The following SPON1 variants were observed in gnomAD, a reference collection of about 807,000 sequenced individuals.
SPON1 encodes the protein spondin 1, also known as spondin-1.
In SPON1, 52 loss-of-function variants were observed where a neutral mutation model predicts 111.7. The ratio of observed to expected loss-of-function variants is 0.47; its 90% confidence interval spans 0.37 to 0.59. The LOEUF (loss-of-function observed/expected upper bound fraction) is 0.59. SPON1 is among the 20% of genes least tolerant of loss of function. The pLI, the probability that SPON1 is intolerant of heterozygous loss-of-function variation, is 0.00. For synonymous variants in SPON1, 410 were observed against 395.8 expected (o/e 1.04, Z -0.43); for missense variants, 957 against 1,068.5 (o/e 0.90, Z 1.46).
intron 6 of SPON1, among the ~76,000 whole-genome samples, chr11:14,235,960 A>T (rs184064875): frequency 9.5e-4 from 145 of 152,304 alleles, no homozygotes; most frequent in Middle Eastern, 6.8e-3. Context: ...TTAAAGATAC[A>T]TAAGAAGTCC....
At chr11:14,088,825 C>T (rs558353275) in intron 5 of SPON1, among the ~76,000 whole-genome samples, 173 of 151,930 alleles carry the variant, frequency 1.1e-3, no homozygotes, top group African/African-American at 4.1e-3. Context: ...AGGCTGTGTT[C>T]GTTCCTTTTC....
chr11:14,093,160 A>G (rs1250157303), intron 5 of SPON1, among the ~76,000 whole-genome samples: 1 of 152,236 alleles, frequency 6.6e-6, no homozygotes, highest in African/African-American at 2.4e-5. Context: ...CATGGACCTT[A>G]AAGTGTCAGA....
intron 6 of SPON1, among the ~76,000 whole-genome samples, chr11:14,190,795 C>G (rs1026721983): frequency 2.0e-5 from 3 of 151,834 alleles, no homozygotes; most frequent in Non-Finnish European, 4.4e-5. Flanking sequence ...GGCCCGCCAC[C>G]GTGCCCAGCT....
intron 6 of SPON1, among the ~76,000 whole-genome samples, chr11:14,141,092 C>T (rs995991726): frequency 1.4e-5 from 2 of 140,912 alleles, no homozygotes; most frequent in African/African-American, 2.6e-5. Flanking sequence ...TCTAAACCCC[C>T]GCCTCCAGCT....
chr11:14,239,255 T>C (rs1848897976), intron 6 of SPON1, among the ~76,000 whole-genome samples: 1 of 152,228 alleles, frequency 6.6e-6, no homozygotes, highest in African/African-American at 2.4e-5. Context: ...TTACCCTGAA[T>C]GTAAGTAAAA....
chr11:14,260,643 C>T lies in SPON1; in HGVS notation c.1887C>T (p.Thr629=). The T allele has an allele frequency of 1.2e-6, 2 of 1,614,002 alleles. No individual in the cohort carries two copies. Among genetic ancestry groups the T allele is most frequent in the Non-Finnish European group, 1.7e-6 (2 of 1,179,902 alleles). The change falls in exon 14 of 16, where the codon ACC becomes ACT. Residue 629 remains threonine (T), a synonymous_variant. Transcript: ENST00000576479. ...CCGAGTGGAGTGACTGCAGCGTGAC[C>T]TGCGGGAAGGGCATGCGAACCCGAC... The part of the protein sequence containing the change: ...PWSEWSDCSV[T]CGKGMRTRQR...
chr11:14,245,645 G>A (rs781951871), intron 7 of SPON1, among the ~76,000 whole-genome samples: 1 of 152,162 alleles, frequency 6.6e-6, no homozygotes, highest in Non-Finnish European at 1.5e-5. Flanking sequence ...GCTCTGAGTG[G>A]AGGCCTGAGG....
At chr11:13,969,724 A>C (rs1232288900) in intron 1 of SPON1, among the ~76,000 whole-genome samples, 1 of 152,208 alleles carries the variant, frequency 6.6e-6, no homozygotes, top group Non-Finnish European at 1.5e-5. Context: ...TATACGTAAG[A>C]TATAACCCAG....
intron 1 of SPON1, among the ~76,000 whole-genome samples, chr11:13,968,591 A>G (rs1848037599): frequency 6.6e-6 from 1 of 152,250 alleles, no homozygotes; most frequent in South Asian, 2.1e-4. Context: ...ATGTTAATGG[A>G]TACCTGGTAA....
At chr11:14,008,926 C>T (rs1848384181) in intron 2 of SPON1, among the ~76,000 whole-genome samples, 2 of 152,184 alleles carry the variant, frequency 1.3e-5, no homozygotes, top group East Asian at 1.9e-4. Flanking sequence ...CTGATGGTAC[C>T]TTGTAAGTCT....
chr11:14,100,390 T>C (rs1038788987), intron 5 of SPON1, among the ~76,000 whole-genome samples: 13 of 148,256 alleles, frequency 8.8e-5, no homozygotes, highest in African/African-American at 3.0e-4. Context: ...TCATTTCTTT[T>C]TTTTTAGACA....
intron 6 of SPON1, among the ~76,000 whole-genome samples, chr11:14,179,748 G>C (rs1848218203): frequency 6.6e-6 from 1 of 152,028 alleles, no homozygotes; most frequent in African/African-American, 2.4e-5. Flanking sequence ...AAAAGGGTGT[G>C]ATGGGTATAA....
At chr11:14,207,752 G>A (rs1342936026) in intron 6 of SPON1, among the ~76,000 whole-genome samples, 1 of 152,186 alleles carries the variant, frequency 6.6e-6, no homozygotes, top group Non-Finnish European at 1.5e-5. Flanking sequence ...TACACTATTG[G>A]TGGGAGTGTA....
chr11:14,043,933 C>T (rs1486007962), intron 3 of SPON1, among the ~76,000 whole-genome samples: 1 of 152,130 alleles, frequency 6.6e-6, no homozygotes, highest in Non-Finnish European at 1.5e-5. Flanking sequence ...ATATTCTTGA[C>T]CCTGGAGGTT....
At chr11:14,229,010 G>T (rs185303175) in intron 6 of SPON1, among the ~76,000 whole-genome samples, 1 of 152,180 alleles carries the variant, frequency 6.6e-6, no homozygotes, top group Admixed American at 6.5e-5. Context: ...GAAAGAGGAA[G>T]GTTAGGAAGC....
At chr11:14,176,560 G>A (rs1045819462) in intron 6 of SPON1, among the ~76,000 whole-genome samples, 9 of 152,132 alleles carry the variant, frequency 5.9e-5, no homozygotes, top group African/African-American at 2.2e-4. Flanking sequence ...AGAACCAGTC[G>A]GGAGAAGGAA....
intron 3 of SPON1, among the ~76,000 whole-genome samples, chr11:14,071,826 C>A (rs1554920942): frequency 6.6e-6 from 1 of 152,084 alleles, no homozygotes; most frequent in African/African-American, 2.4e-5. Context: ...ATTCTCCTGC[C>A]TCAGTCTCCC....
chr11:14,216,841 A>G (rs186308917), intron 6 of SPON1, among the ~76,000 whole-genome samples: 1 of 152,316 alleles, frequency 6.6e-6, no homozygotes, highest in African/African-American at 2.4e-5. Context: ...TCAAACCATA[A>G]CATTTACTCT....
intron 2 of SPON1, among the ~76,000 whole-genome samples, chr11:14,033,706 C>A (rs1232076170): frequency 2.0e-5 from 3 of 152,126 alleles, no homozygotes; most frequent in Non-Finnish European, 4.4e-5. Context: ...GCTTAAAATG[C>A]CCCTGATATT....
Sources: allele counts gnomAD v4.1 joint callset (sites outside exome capture counted in the v4.1 genomes callset), GRCh38; gene constraint gnomAD v4.1.1; transcripts MANE v1.5; gene names NCBI Gene and HGNC (gene_info 2026-07-23, HGNC 2026-07-21).